Variants in KCNC4 observed in about 807,000 individuals in gnomAD.
KCNC4 encodes voltage-gated potassium channel KCNC4.
KCNC4 carries 23 observed loss-of-function variants against 42.8 expected under a neutral mutation model. That is an observed-to-expected ratio of 0.54 (90% CI 0.39 to 0.76). The LOEUF is 0.76. KCNC4 is among the 30% of genes least tolerant of loss of function. The pLI, the probability that KCNC4 is intolerant of heterozygous loss-of-function variation, is 0.00. For synonymous variants in KCNC4, 422 were observed against 393.5 expected, an observed-to-expected ratio of 1.07 and a Z score of -0.86; for missense variants, 751 against 898.2, an observed-to-expected ratio of 0.84 and a Z score of 2.10.
rs368399763 is a variant in KCNC4, at chr1:110,223,563, C to T, written c.1278C>T (p.Gly426=). The T allele has an allele frequency of 5.3e-5, 86 of 1,613,904 alleles. No individual in the cohort carries two copies. The Admixed American group carries it at 6.0e-4, about 11-fold the overall frequency. The part of the protein sequence containing the change: ...DHTDFKNIPI[G]FWWAVVTMTT... The stretch of plus-strand genomic sequence containing the variant: ...CCGACTTCAAGAACATCCCCATTGG[C>T]TTCTGGTGGGCTGTGGTCACCATGA... The change falls in exon 2 of 4, where the codon GGC becomes GGT. Residue 426 remains glycine (G), a synonymous_variant. Coordinates refer to ENST00000438661, the MANE Select transcript of KCNC4 (RefSeq NM_001039574.3). The surrounding 1 kb of genome is among the most constrained non-coding windows in gnomAD (Gnocchi z 7.5).
chr1:110,226,874 T>C (rs1277784992), intron 3 of KCNC4, among the ~76,000 whole-genome samples: 2 of 152,124 alleles, frequency 1.3e-5, no homozygotes, highest in Non-Finnish European at 2.9e-5. Flanking sequence ...GCCCCAAGCC[T>C]GCGGCAAGGC....
chr1:110,271,268 T>C (rs764584103), intron 1 of KCNC4, among the ~76,000 whole-genome samples: 17 of 152,222 alleles, frequency 1.1e-4, no homozygotes, highest in Non-Finnish European at 2.1e-4. Flanking sequence ...GAAAGCTGGA[T>C]AACAGAAGGT....
At chr1:110,231,480 G>T (rs900309811) in intron 3 of KCNC4, among the ~76,000 whole-genome samples, 1 of 152,266 alleles carries the variant, frequency 6.6e-6, no homozygotes, top group South Asian at 2.1e-4. Flanking sequence ...TCTGCTCCCT[G>T]GCTTCTGGGA....
At chr1:110,268,403 C>G (rs1055755140) in intron 1 of KCNC4, among the ~76,000 whole-genome samples, 2 of 151,976 alleles carry the variant, frequency 1.3e-5, no homozygotes, top group Admixed American at 6.6e-5. Context: ...GTCAGGAGAT[C>G]GAGACCATCC....
chr1:110,261,799 C>T (rs1216555383), intron 1 of KCNC4, among the ~76,000 whole-genome samples: 2 of 152,064 alleles, frequency 1.3e-5, no homozygotes, highest in Non-Finnish European at 2.9e-5. Flanking sequence ...TATGGAGTGA[C>T]CAGGGAGGTC....
At chr1:110,250,095 T>C (rs1372904281), downstream of KCNC4, among the ~76,000 whole-genome samples, 3 of 152,194 alleles carry the variant, frequency 2.0e-5, no homozygotes, top group Admixed American at 6.5e-5. Context: ...ACTCCTTTTC[T>C]CATGCCAAAT....
At chr1:110,225,862 G>C in intron 2 of KCNC4, 113 bp from the exon 3 acceptor site, 2 of 1,000,624 alleles carry the variant, frequency 2.0e-6, no homozygotes, top group Non-Finnish European at 3.0e-6. Flanking sequence ...GTAGATGCTA[G>C]GCCCCTCCCA....
At chr1:110,224,016 T>A in intron 2 of KCNC4, 116 bp downstream of exon 2, 2 of 846,518 alleles carry the variant, frequency 2.4e-6, no homozygotes, top group Non-Finnish European at 3.7e-6. Context: ...TCCCTAAGCA[T>A]AAAGATGTGC....
At position 110,261,245 on chromosome 1, in the gene KCNC4, C is replaced by T. The variant is rs1048457456; in HGVS notation, n.31-21289C>T. 2.6e-5 allele frequency among the ~76,000 whole-genome samples: 4 copies of T among 152,142 alleles called. No individual in the cohort carries two copies. The South Asian group carries it at 8.3e-4, about 32-fold the overall frequency. Reference sequence around the variant, plus strand: ...ATTGCAAAACACAAAAAGCCATATGCCCTTAGGGAAACACTTGCTTTTTCT... The same window carrying T: ...ATTGCAAAACACAAAAAGCCATATGTCCTTAGGGAAACACTTGCTTTTTCT... On this transcript the variant is annotated intron_variant and non_coding_transcript_variant, in intron 1 of 2. Transcript: ENST00000412512.
At position 110,210,369 on chromosome 1, in the gene KCNC4, C is replaced by G. The variant is rs1014138996; in HGVS notation, c.-1131C>G. ...GAGGGAGACCATGAGCCCCTAGGGC[C>G]CCAGCCCACCGGCGCCGAGGCGCCC... On this transcript the variant is annotated 5_prime_UTR_variant, in exon 1 of 4. Coordinates refer to ENST00000438661, the MANE Select transcript of KCNC4 (RefSeq NM_001039574.3). Among the ~76,000 whole-genome samples the G allele has an allele frequency of 6.6e-6, 1 of 151,666 alleles. No homozygotes were observed. The highest frequency in any genetic ancestry group is 1.5e-5 in the Non-Finnish European group (1 of 67,844).
chr1:110,255,827 T>C (rs1382326673), intron 1 of KCNC4, among the ~76,000 whole-genome samples: 1 of 152,212 alleles, frequency 6.6e-6, no homozygotes, highest in African/African-American at 2.4e-5. Flanking sequence ...TGGAGGACAC[T>C]GTCTCTGGAA....
chr1:110,255,637 CA>C (rs1659316806), intron 1 of KCNC4, among the ~76,000 whole-genome samples: 1 of 152,140 alleles, frequency 6.6e-6, no homozygotes, highest in Non-Finnish European at 1.5e-5. Flanking sequence ...GTCTCAAAAG[CA>C]AGGGTTGCCA....
Position 110,280,054 on chromosome 1 carries a change from T to G in KCNC4, n.31-2480T>G, listed in dbSNP as rs188506481. Among the ~76,000 whole-genome samples, 14 of 152,232 alleles carry G rather than the reference T, an allele frequency of 9.2e-5. No individual in the cohort carries two copies. The East Asian group carries it at 2.5e-3, about 27-fold the overall frequency. On this transcript the variant is annotated intron_variant and non_coding_transcript_variant, in intron 1 of 2. Transcript: ENST00000412512. ...CCTTGGCCTCCCAAAGTGCTGGGAT[T>G]ACAGGTGTGAGCCACCGCACCCGGC...
In KCNC4 at chr1:110,211,310, G is replaced by A; in HGVS notation, c.-190G>A. The A allele has an allele frequency of 1.2e-6, 1 of 814,202 alleles. No homozygotes were observed. Among genetic ancestry groups the A allele is most frequent in the Non-Finnish European group, 1.9e-6 (1 of 533,186 alleles). 50.4% of individuals were successfully genotyped at this position (814,202 alleles called of 1,614,324 possible). A position where few individuals can be genotyped will look rare whatever the true frequency, so the allele number is the denominator to read the frequency against. On this transcript the variant is annotated 5_prime_UTR_variant, in exon 1 of 4. Coordinates refer to ENST00000438661, the MANE Select transcript of KCNC4 (RefSeq NM_001039574.3). The surrounding 1 kb of genome is among the most constrained non-coding windows in gnomAD (Gnocchi z 6.5). ...CCCTAACCCCAACCACCTGTGTACCGGAGAAATCCAACTCCTCCCGCTCCG... is the reference window on the plus strand; with the variant it reads ...CCCTAACCCCAACCACCTGTGTACCAGAGAAATCCAACTCCTCCCGCTCCG...
At chr1:110,271,385 A>G (rs1323723) in intron 1 of KCNC4, among the ~76,000 whole-genome samples, 83,017 of 151,944 alleles carry the variant, frequency 0.55, 23,012 homozygotes, top group Admixed American at 0.62. Context: ...TTACATTGCT[A>G]GTTAGTAGTA....
chr1:110,229,050 G>C (rs1464209687), intron 3 of KCNC4: 4 of 152,278 alleles, frequency 2.6e-5, no homozygotes, highest in African/African-American at 9.6e-5. Context: ...AGCGCCTGGG[G>C]CCAGTCAGCC....
chr1:110,275,578 C>T (rs1191701122), intron 1 of KCNC4, among the ~76,000 whole-genome samples: 1 of 151,962 alleles, frequency 6.6e-6, no homozygotes, highest in Non-Finnish European at 1.5e-5. Flanking sequence ...ATCACAATAG[C>T]AAAAATAGGG....
intron 3 of KCNC4, among the ~76,000 whole-genome samples, chr1:110,226,790 T>C (rs1338617186): frequency 1.2e-4 from 18 of 152,156 alleles, no homozygotes; most frequent in Admixed American, 1.1e-3. Context: ...ATCTGAGGAA[T>C]GTTCTGAGTA....
chr1:110,268,502 A>AG (rs1310852199), intron 1 of KCNC4, among the ~76,000 whole-genome samples: 1 of 147,466 alleles, frequency 6.8e-6, no homozygotes, highest in East Asian at 2.2e-4. Flanking sequence ...GCTACTCCGG[A>AG]GGCTGAGGCG....
Sources: gnomAD v4.1 joint callset for allele counts (sites outside exome capture counted in the v4.1 genomes callset) on GRCh38, gnomAD v4.1.1 for gene constraint, Gnocchi (gnomAD v3.1) non-coding constraint, MANE v1.5 for transcripts, NCBI Gene and HGNC (gene_info 2026-07-23, HGNC 2026-07-21) for gene names.